The following LEPR variants were observed in gnomAD, a reference collection of about 807,000 sequenced individuals.
The protein encoded by LEPR is leptin receptor, also known as OB receptor.
Under a neutral mutation model 114.7 loss-of-function variants are expected in LEPR, and 56 were observed. The ratio of observed to expected loss-of-function variants is 0.49; its 90% CI spans 0.39 to 0.61. The LOEUF (loss-of-function observed/expected upper bound fraction) is 0.61. LEPR is among the 20% of genes least tolerant of loss of function. LEPR has a pLI of 0.00. For missense variants in LEPR, 1,202 were observed against 1,352.9 expected (o/e 0.89, Z 1.75); for synonymous variants, 443 against 461.4 (o/e 0.96, Z 0.51).
intron 1 of LEPR, among the ~76,000 whole-genome samples, chr1:65,424,050 A>C (rs1241493534): frequency 3.9e-5 from 6 of 152,200 alleles, no homozygotes; most frequent in Non-Finnish European, 8.8e-5. Context: ...GCTTCTACCC[A>C]AAGTCATAAG....
intron 2 of LEPR, among the ~76,000 whole-genome samples, chr1:65,528,954 G>A (rs1044245489): frequency 1.4e-5 from 2 of 145,860 alleles, no homozygotes; most frequent in African/African-American, 5.1e-5. Flanking sequence ...ACAGGCGTGT[G>A]CCTCCACACC....
intron 2 of LEPR, among the ~76,000 whole-genome samples, chr1:65,553,923 T>C (rs1248092119): frequency 1.3e-5 from 2 of 152,180 alleles, no homozygotes; most frequent in Non-Finnish European, 2.9e-5. Context: ...TTGATGCTAT[T>C]CCTTTCTGTG....
chr1:65,508,754 A>T (rs1041634111), intron 2 of LEPR, among the ~76,000 whole-genome samples: 7 of 152,098 alleles, frequency 4.6e-5, no homozygotes, highest in Non-Finnish European at 1.0e-4. Flanking sequence ...AGGGATTGCA[A>T]TGACTCTGTA....
At position 65,596,588 on chromosome 1, in the gene LEPR, A is replaced by C; in HGVS notation, c.844A>C (p.Arg282=). 1 of 1,611,954 alleles carries C rather than the reference A, an allele frequency of 6.2e-7. No homozygotes were observed. ...KYSENSTTVI[R]EADKIVSATS... ...TTCAGAGAATTCTACAACAGTTATC[A>C]GAGAAGTAAGTATATTTTAGTAAGT... The change falls in exon 7 of 20, where the codon AGA becomes CGA. Residue 282 remains arginine (R), a synonymous_variant. Transcript: ENST00000349533.
In LEPR at chr1:65,596,553, A is replaced by T; in HGVS notation, c.809A>T (p.Gln270Leu). 1 of 1,612,702 alleles carries T rather than the reference A, an allele frequency of 6.2e-7. No individual in the cohort carries two copies. Among genetic ancestry groups the T allele is most frequent in the Non-Finnish European group, 8.5e-7 (1 of 1,179,134 alleles). ...PPLVPFPLQY[Q>L]VKYSENSTTV... The stretch of plus-strand genomic sequence containing the variant: ...TTGGTACCATTTCCACTTCAATATC[A>T]AGTGAAATATTCAGAGAATTCTACA... Residue 270 changes from glutamine to leucine, a missense_variant, in exon 7 of 20, where the codon CAA becomes CTA. Coordinates refer to ENST00000349533, the MANE Select transcript of LEPR (RefSeq NM_002303.6).
At chr1:65,631,006 G>A (rs1459303671) in intron 19 of LEPR, among the ~76,000 whole-genome samples, 1 of 151,838 alleles carries the variant, frequency 6.6e-6, no homozygotes, top group African/African-American at 2.4e-5. Context: ...CTAATATCTG[G>A]TAATCCTTTG....
At chr1:65,502,889 GC>G (rs1648529104) in intron 2 of LEPR, among the ~76,000 whole-genome samples, 1 of 151,680 alleles carries the variant, frequency 6.6e-6, no homozygotes, top group South Asian at 2.1e-4. Flanking sequence ...GGGTGGGGGA[GC>G]TATGGAGCTA....
chr1:65,617,627 A>C lies in LEPR; in HGVS notation c.2213-337A>C, dbSNP rs554424245. Among the ~76,000 whole-genome samples the C allele has an allele frequency of 3.3e-5, 5 of 152,338 alleles. No individual in the cohort carries two copies. The South Asian group carries it at 8.3e-4, about 25-fold the overall frequency. On this transcript the variant is annotated intron_variant, in intron 15 of 19. Transcript: ENST00000349533. ...CTGTGCAGATGGTGTTAAAATGAAC[A>C]GATTTGTGCTTTGAGAGTATCACTC... is the stretch of plus-strand genomic sequence containing the variant.
At chr1:65,479,475 G>T (rs1248131419) in intron 2 of LEPR, among the ~76,000 whole-genome samples, 1 of 152,098 alleles carries the variant, frequency 6.6e-6, no homozygotes, top group Non-Finnish European at 1.5e-5. Flanking sequence ...TAACATGTAA[G>T]AAAATGATAG....
At chr1:65,538,286 C>T (rs1650918385) in intron 2 of LEPR, among the ~76,000 whole-genome samples, 2 of 151,514 alleles carry the variant, frequency 1.3e-5, no homozygotes, top group Non-Finnish European at 2.9e-5. Flanking sequence ...TTTCTGGCTT[C>T]AGGATTATAT....
chr1:65,449,355 C>T (rs1361095734), intron 2 of LEPR, among the ~76,000 whole-genome samples: 1 of 150,586 alleles, frequency 6.6e-6, no homozygotes, highest in Non-Finnish European at 1.5e-5. Flanking sequence ...GTGAACTCCT[C>T]CTGGGGATGG....
chr1:65,509,201 T>C (rs1346685565), intron 2 of LEPR, among the ~76,000 whole-genome samples: 1 of 152,174 alleles, frequency 6.6e-6, no homozygotes, highest in Non-Finnish European at 1.5e-5. Context: ...GCCTAATTGC[T>C]CTGGCTAGGA....
At chr1:65,425,249 G>T in intron 1 of LEPR, 54 bp from the exon 2 acceptor site, 2 of 1,511,106 alleles carry the variant, frequency 1.3e-6, no homozygotes, top group Non-Finnish European at 1.8e-6. Context: ...AAACCCTCTA[G>T]TGCCTGACAA....
chr1:65,494,848 G>T (rs1648070252), intron 2 of LEPR, among the ~76,000 whole-genome samples: 1 of 151,910 alleles, frequency 6.6e-6, no homozygotes, highest in African/African-American at 2.4e-5. Context: ...TATCTATCAT[G>T]ACCTGGGGCT....
At chr1:65,454,350 G>A (rs1024874000) in intron 2 of LEPR, among the ~76,000 whole-genome samples, 2 of 151,534 alleles carry the variant, frequency 1.3e-5, no homozygotes, top group East Asian at 1.9e-4. Context: ...TCTTTTGCTC[G>A]TTAGTTCATG....
chr1:65,586,529 A>T (rs1184851114), intron 5 of LEPR, among the ~76,000 whole-genome samples: 1 of 135,792 alleles, frequency 7.4e-6, no homozygotes, highest in African/African-American at 2.5e-5. Flanking sequence ...GTGCTTGCAG[A>T]AAAACAATTA....
chr1:65,591,687 T>C (rs1049541148), intron 5 of LEPR, among the ~76,000 whole-genome samples: 4 of 152,048 alleles, frequency 2.6e-5, no homozygotes, highest in African/African-American at 9.7e-5. Flanking sequence ...CTTTTCCCGT[T>C]CATTTCCTTT....
At chr1:65,530,708 A>G (rs1650329259) in intron 2 of LEPR, among the ~76,000 whole-genome samples, 1 of 152,112 alleles carries the variant, frequency 6.6e-6, no homozygotes, top group African/African-American at 2.4e-5. Context: ...AACCTGTTTT[A>G]TCAGCAAGAT....
At chr1:65,601,283 A>G (rs1656422808) in intron 8 of LEPR, 109 bp from the exon 9 acceptor site, 5 of 1,324,614 alleles carry the variant, frequency 3.8e-6, no homozygotes. Flanking sequence ...CACTCATTTT[A>G]TTTTTGGCAG....
Sources: gnomAD v4.1 joint callset for allele counts (sites outside exome capture counted in the v4.1 genomes callset) on GRCh38, gnomAD v4.1.1 for gene constraint, MANE v1.5 for transcripts, NCBI Gene and HGNC (gene_info 2026-07-23, HGNC 2026-07-21) for gene names.